The following AVEN variants were observed in gnomAD, a reference collection of about 807,000 sequenced individuals.
AVEN encodes apoptosis and caspase activation inhibitor.
Under a neutral mutation model 38.1 loss-of-function variants are expected in AVEN, and 41 were observed. That is an observed-to-expected ratio of 1.08 (90% CI 0.84 to 1.40). The LOEUF is 1.40. AVEN is among the 40% of genes most tolerant of loss of function. AVEN has a pLI of 0.00. For synonymous variants in AVEN, 206 were observed against 171.8 expected (o/e 1.20, Z -1.56); for missense variants, 605 against 438.8 (o/e 1.38, Z -3.38).
intron 2 of AVEN, among the ~76,000 whole-genome samples, chr15:33,923,431 G>A (rs886847513): frequency 3.4e-4 from 52 of 152,286 alleles, no homozygotes; most frequent in South Asian, 2.1e-4. Context: ...ATTACAAGAC[G>A]TGGAATTGTG....
downstream of AVEN, chr15:33,858,677 G>A (rs1162314915): frequency 2.0e-5 from 3 of 147,324 alleles, no homozygotes; most frequent in African/African-American, 7.4e-5. Context: ...GCAGGATCAG[G>A]TTGGAGGTGG....
intron 5 of AVEN, among the ~76,000 whole-genome samples, chr15:34,047,361 G>C (rs959064942): frequency 6.6e-6 from 1 of 152,198 alleles, no homozygotes; most frequent in Non-Finnish European, 1.5e-5. Flanking sequence ...ACAGGCGTGA[G>C]CCACCGTGCC....
chr15:33,946,504 AG>A (rs1202244881), intron 2 of AVEN, among the ~76,000 whole-genome samples: 1 of 152,192 alleles, frequency 6.6e-6, no homozygotes, highest in Non-Finnish European at 1.5e-5. Context: ...GAAATCTCCA[AG>A]GGAACAAAGC....
At chr15:33,946,959 G>T (rs1894531618) in intron 2 of AVEN, among the ~76,000 whole-genome samples, 1 of 152,158 alleles carries the variant, frequency 6.6e-6, no homozygotes, top group South Asian at 2.1e-4. Context: ...TTTCTGATTT[G>T]AAGTTTGATT....
intron 2 of AVEN, among the ~76,000 whole-genome samples, chr15:33,888,275 A>G (rs902030900): frequency 4.6e-5 from 7 of 152,198 alleles, no homozygotes; most frequent in African/African-American, 1.7e-4. Flanking sequence ...AGAACATGCA[A>G]TGACAGACAC....
intron 1 of AVEN, 60 bp downstream of exon 1, chr15:34,038,720 C>A: frequency 3.6e-6 from 4 of 1,124,526 alleles, no homozygotes; most frequent in Non-Finnish European, 4.3e-6. Flanking sequence ...TGACTGGCGG[C>A]CTCGGCCCCA....
rs1445498712 is a variant in AVEN, at chr15:33,997,711, T to C, written c.445+5321A>G. Reference sequence around the variant, plus strand: ...TTCTCTCATATCTTCACTTATTTCCTTATCCCACTTAAATTCATTTCAATC... The same window carrying C: ...TTCTCTCATATCTTCACTTATTTCCCTATCCCACTTAAATTCATTTCAATC... On this transcript the variant is annotated intron_variant, in intron 2 of 5. Transcript: ENST00000306730. Among the ~76,000 whole-genome samples the C allele has an allele frequency of 7.9e-5, 12 of 152,146 alleles. 1 individual carries two copies. The highest frequency in any genetic ancestry group is 7.9e-4 in the Admixed American group (12 of 15,272).
chr15:33,962,292 A>C (rs1259990824), intron 2 of AVEN, among the ~76,000 whole-genome samples: 1 of 152,330 alleles, frequency 6.6e-6, no homozygotes, highest in East Asian at 1.9e-4. Context: ...GAAGGTAAGA[A>C]TTACCAGATC....
chr15:33,936,740 G>T (rs1894072399), intron 2 of AVEN, among the ~76,000 whole-genome samples: 1 of 152,184 alleles, frequency 6.6e-6, no homozygotes, highest in African/African-American at 2.4e-5. Context: ...AACAAATTAG[G>T]AGTTTTACCA....
At chr15:34,031,818 A>C (rs1233795407) in intron 1 of AVEN, among the ~76,000 whole-genome samples, 1 of 152,156 alleles carries the variant, frequency 6.6e-6, no homozygotes, top group Non-Finnish European at 1.5e-5. Flanking sequence ...TAAAACACAC[A>C]CATCAGTTTG....
At chr15:34,022,916 G>A (rs780558162) in intron 1 of AVEN, among the ~76,000 whole-genome samples, 4 of 152,174 alleles carry the variant, frequency 2.6e-5, no homozygotes, top group Admixed American at 6.5e-5. Flanking sequence ...GGCCGGGCGC[G>A]GTGGCTCACG....
At chr15:33,902,855 CTAAT>C (rs764434716) in intron 2 of AVEN, among the ~76,000 whole-genome samples, 1 of 151,916 alleles carries the variant, frequency 6.6e-6, no homozygotes, top group African/African-American at 2.4e-5. Flanking sequence ...CTTAATTAAA[CTAAT>C]TAATTTATCC....
At chr15:34,022,397 G>A (rs1396503471) in intron 1 of AVEN, among the ~76,000 whole-genome samples, 5 of 152,118 alleles carry the variant, frequency 3.3e-5, no homozygotes, top group African/African-American at 1.2e-4. Flanking sequence ...CCAACATTAG[G>A]GAGGAAAAAA....
chr15:33,873,094 CTTTT>C (rs34223352), intron 3 of AVEN, among the ~76,000 whole-genome samples: 9 of 85,098 alleles, frequency 1.1e-4, no homozygotes, highest in Admixed American at 3.1e-4. Context: ...TTTTCCTTTT[CTTTT>C]TTTTTTTTTT....
At chr15:33,853,763 G>C in the AVEN span, 75 of 1,525,194 alleles carry the variant, frequency 4.9e-5, 1 homozygote, top group South Asian at 9.1e-4. Flanking sequence ...AATCACAACC[G>C]TGTCTTTGTT....
intron 2 of AVEN, among the ~76,000 whole-genome samples, chr15:33,941,768 C>T (rs1306328385): frequency 4.6e-5 from 7 of 152,096 alleles, no homozygotes; most frequent in African/African-American, 1.7e-4. Context: ...GTCTTACACT[C>T]CTCATTCATA....
intron 2 of AVEN, among the ~76,000 whole-genome samples, chr15:33,878,852 T>C (rs1891361665): frequency 6.6e-6 from 1 of 152,160 alleles, no homozygotes; most frequent in African/African-American, 2.4e-5. Context: ...ATGACAGATG[T>C]ATGAATTTAA....
intron 1 of AVEN, among the ~76,000 whole-genome samples, chr15:34,005,748 T>C (rs1897312675): frequency 6.6e-6 from 1 of 152,192 alleles, no homozygotes. Flanking sequence ...AATTTAACAC[T>C]AGTCAATAAT....
chr15:33,890,311 C>G (rs561830028), intron 2 of AVEN, among the ~76,000 whole-genome samples: 1 of 152,338 alleles, frequency 6.6e-6, no homozygotes, highest in South Asian at 2.1e-4. Context: ...GTTTTTATTA[C>G]TACTCTTGTG....
Sources: gnomAD v4.1 joint callset for allele counts (sites outside exome capture counted in the v4.1 genomes callset) on GRCh38, gnomAD v4.1.1 for gene constraint, MANE v1.5 for transcripts, NCBI Gene and HGNC (gene_info 2026-07-23, HGNC 2026-07-21) for gene names.